Variants in CACNA2D2 observed in about 807,000 individuals in gnomAD.
CACNA2D2 encodes calcium voltage-gated channel auxiliary subunit alpha2delta 2.
In CACNA2D2, 48 loss-of-function variants were observed where a neutral mutation model predicts 166.4. That is an observed-to-expected ratio of 0.29 (90% CI 0.23 to 0.37). The LOEUF (loss-of-function observed/expected upper bound fraction) is 0.37. Among genes scored for constraint, CACNA2D2 ranks in the 10% least tolerant of loss-of-function variants. The pLI is 1.00. For synonymous variants in CACNA2D2, 561 were observed against 573.7 expected (o/e 0.98, Z 0.32); for missense variants, 1,122 against 1,433.0 (o/e 0.78, Z 3.50).
rs777806405 is a variant in CACNA2D2 at position 50,404,680 on chromosome 3, A to G, written c.406-10512T>C. ...GACTCTCCTTCCTTCCTGTCAACAC[A>G]TGTTTACTGAGCACCTACTGTGTGC... is the stretch of plus-strand genomic sequence containing the variant. On this transcript the variant is annotated intron_variant, in intron 3 of 37. Transcript: ENST00000424201. Among the ~76,000 whole-genome samples the G allele has an allele frequency of 4.7e-4, 72 of 152,284 alleles. 1 individual carries two copies. Among genetic ancestry groups the G allele is most frequent in the Middle Eastern group, 3.4e-3 (1 of 294 alleles).
chr3:50,439,460 TCA>T (rs1230711824), intron 2 of CACNA2D2, among the ~76,000 whole-genome samples: 1 of 152,236 alleles, frequency 6.6e-6, no homozygotes, highest in Non-Finnish European at 1.5e-5. Flanking sequence ...AGCTGTCTCC[TCA>T]AAGACCCAGC....
intron 1 of CACNA2D2, among the ~76,000 whole-genome samples, chr3:50,500,474 C>T (rs533106142): frequency 2.0e-5 from 3 of 151,796 alleles, no homozygotes; most frequent in South Asian, 2.1e-4. Flanking sequence ...AGGTACAGCT[C>T]GATGAAAGAC....
In CACNA2D2 at chr3:50,380,151, C is replaced by T. The variant is rs897233138; in HGVS notation, c.843-133G>A. On this transcript the variant is annotated intron_variant, in intron 8 of 37. Coordinates refer to ENST00000424201, the MANE Select transcript of CACNA2D2 (RefSeq NM_006030.4). This position sits in a 1 kb window ranked among gnomAD's most constrained non-coding sequence, Gnocchi z 4.9. ...GTGGGCCAGGCAGGGTTCTATGCAC[C>T]GATGATACCACATTTAACGAAACAG... 9.8e-6 allele frequency: 8 copies of T among 816,398 alleles called. No homozygotes were observed. Among genetic ancestry groups the T allele is most frequent in the Middle Eastern group, 2.9e-4 (1 of 3,456 alleles). 50.6% of individuals were successfully genotyped at this position (816,398 alleles called of 1,614,324 possible).
chr3:50,457,500 T>G (rs1392358693), intron 2 of CACNA2D2, among the ~76,000 whole-genome samples: 2 of 152,164 alleles, frequency 1.3e-5, no homozygotes, highest in East Asian at 3.9e-4. Context: ...CAGGGGCCAA[T>G]GTCTCCCCGC....
intron 1 of CACNA2D2, among the ~76,000 whole-genome samples, chr3:50,490,405 G>A (rs1008738027): frequency 2.0e-5 from 3 of 152,168 alleles, no homozygotes; most frequent in Non-Finnish European, 4.4e-5. Context: ...AGGGGGAAGA[G>A]GGGGCTCTAG....
intron 1 of CACNA2D2, among the ~76,000 whole-genome samples, chr3:50,497,123 C>T (rs1461169074): frequency 6.6e-6 from 1 of 152,088 alleles, no homozygotes; most frequent in Non-Finnish European, 1.5e-5. Flanking sequence ...CAAAGGAGGA[C>T]GGGAGGTCCA....
At chr3:50,485,582 C>G (rs1382953295) in intron 1 of CACNA2D2, among the ~76,000 whole-genome samples, 1 of 152,246 alleles carries the variant, frequency 6.6e-6, no homozygotes, top group African/African-American at 2.4e-5. Context: ...GCCTCAGCAG[C>G]TCCCACCACC....
intron 22 of CACNA2D2, among the ~76,000 whole-genome samples, chr3:50,371,769 GAGA>G (rs1206066242): frequency 1.3e-5 from 2 of 152,120 alleles, no homozygotes; most frequent in African/African-American, 4.8e-5. Context: ...GGGGGAAGAG[GAGA>G]AGGAGGAAAA....
At chr3:50,437,272 C>T (rs1708394139) in intron 2 of CACNA2D2, among the ~76,000 whole-genome samples, 1 of 152,244 alleles carries the variant, frequency 6.6e-6, no homozygotes, top group South Asian at 2.1e-4. Flanking sequence ...GCCTGCAGGC[C>T]TCTGGGTCTC....
At chr3:50,453,381 C>T (rs1709197284) in intron 2 of CACNA2D2, among the ~76,000 whole-genome samples, 1 of 152,220 alleles carries the variant, frequency 6.6e-6, no homozygotes, top group African/African-American at 2.4e-5. Context: ...CTGAATAGGA[C>T]AGAGCGATTT....
At chr3:50,483,881 G>A (rs1412375224) in intron 1 of CACNA2D2, among the ~76,000 whole-genome samples, 3 of 152,206 alleles carry the variant, frequency 2.0e-5, no homozygotes, top group African/African-American at 4.8e-5. Flanking sequence ...ATAGCAGCCA[G>A]ATCACTATCC....
At chr3:50,378,787 T>G in intron 13 of CACNA2D2, 128 bp downstream of exon 13, 3 of 1,084,986 alleles carry the variant, frequency 2.8e-6, no homozygotes, top group Non-Finnish European at 2.7e-6. Context: ...GCCTCGTGGA[T>G]GGGAGGAGGC....
Position 50,470,463 on chromosome 3 carries a change from G to A in CACNA2D2, c.288+5655C>T, listed in dbSNP as rs13326894. 4.3e-3 allele frequency among the ~76,000 whole-genome samples: 658 copies of A among 152,314 alleles called. 6 individuals carry two copies. The highest frequency in any genetic ancestry group is 0.015 in the African/African-American group (630 of 41,568). On this transcript the variant is annotated intron_variant, in intron 2 of 37. Coordinates refer to ENST00000424201, the MANE Select transcript of CACNA2D2 (RefSeq NM_006030.4). Reference sequence around the variant, plus strand: ...CCCTCTCTGATGAGGGCGTGTGGAAGGATATGGGCGACCTAAGCCAGTCAG... The same window carrying A: ...CCCTCTCTGATGAGGGCGTGTGGAAAGATATGGGCGACCTAAGCCAGTCAG...
Position 50,410,486 on chromosome 3 carries a change from G to C in CACNA2D2, c.406-16318C>G, listed in dbSNP as rs998892043. 6.6e-5 allele frequency among the ~76,000 whole-genome samples: 10 copies of C among 152,102 alleles called. No homozygotes were observed. In the East Asian group the frequency reaches 7.7e-4, roughly 12 times the overall value. Reference sequence around the variant, plus strand: ...AGCTGGGTGCTCCCTGGGATGGGGGGGGGGGTGTTGTCTTTGTGCCCCAGA... The same window carrying C: ...AGCTGGGTGCTCCCTGGGATGGGGGCGGGGGTGTTGTCTTTGTGCCCCAGA... On this transcript the variant is annotated intron_variant, in intron 3 of 37. Coordinates refer to ENST00000424201, the MANE Select transcript of CACNA2D2 (RefSeq NM_006030.4).
At chr3:50,472,406 C>A (rs1214319379) in intron 2 of CACNA2D2, among the ~76,000 whole-genome samples, 1 of 152,296 alleles carries the variant, frequency 6.6e-6, no homozygotes, top group South Asian at 2.1e-4. Flanking sequence ...CAGAGGGTAG[C>A]CTGTGGCCTC....
intron 1 of CACNA2D2, among the ~76,000 whole-genome samples, chr3:50,484,232 GC>G (rs749007945): frequency 4.6e-5 from 7 of 152,122 alleles, no homozygotes; most frequent in African/African-American, 7.2e-5. Context: ...TTCCACCTTT[GC>G]AATAGGCCTG....
intron 3 of CACNA2D2, among the ~76,000 whole-genome samples, chr3:50,398,858 A>C (rs1314969417): frequency 6.6e-6 from 1 of 152,218 alleles, no homozygotes; most frequent in Non-Finnish European, 1.5e-5. Context: ...TCTGGGAACC[A>C]TTCTTACAGG....
At chr3:50,493,618 C>T (rs1698605534) in intron 1 of CACNA2D2, among the ~76,000 whole-genome samples, 1 of 152,218 alleles carries the variant, frequency 6.6e-6, no homozygotes, top group East Asian at 1.9e-4. Flanking sequence ...GATAAAGGGC[C>T]CACCATGAGG....
intron 2 of CACNA2D2, among the ~76,000 whole-genome samples, chr3:50,456,484 T>A (rs1157527334): frequency 6.6e-6 from 1 of 152,222 alleles, no homozygotes; most frequent in Non-Finnish European, 1.5e-5. Flanking sequence ...GGATCCTGTG[T>A]TCTGGCTCAA....
Sources: allele counts gnomAD v4.1 joint callset (sites outside exome capture counted in the v4.1 genomes callset), GRCh38; gene constraint gnomAD v4.1.1; non-coding constraint Gnocchi (gnomAD v3.1); transcripts MANE v1.5; gene names NCBI Gene and HGNC (gene_info 2026-07-23, HGNC 2026-07-21).